The following IMMP2L variants were observed in gnomAD, a reference collection of about 807,000 sequenced individuals.
The protein encoded by IMMP2L is inner mitochondrial membrane peptidase subunit 2, also known as mitochondrial inner membrane protease subunit 2.
IMMP2L carries 18 observed loss-of-function variants against 19.3 expected under a neutral mutation model. The ratio of observed to expected loss-of-function variants is 0.93; its 90% confidence interval spans 0.64 to 1.38. The LOEUF is 1.38. Ranked by LOEUF, IMMP2L falls within the 40% of genes most tolerant of loss-of-function variation. The probability of loss-of-function intolerance (pLI) is 0.00; values close to 1 mark genes in which losing one functional copy is unlikely to be tolerated. For missense variants in IMMP2L, 233 were observed against 218.2 expected, an observed-to-expected ratio of 1.07 and a Z score of -0.43; for synonymous variants, 76 against 73.0, an observed-to-expected ratio of 1.04 and a Z score of -0.21.
At chr7:111,037,968 G>A (rs1253944691) in intron 3 of IMMP2L, among the ~76,000 whole-genome samples, 1 of 152,104 alleles carries the variant, frequency 6.6e-6, no homozygotes, top group Non-Finnish European at 1.5e-5. Flanking sequence ...TCCTATCTGT[G>A]TCTAAATAAT....
intron 3 of IMMP2L, among the ~76,000 whole-genome samples, chr7:111,256,800 C>A (rs541652931): frequency 6.1e-4 from 92 of 152,064 alleles, no homozygotes; most frequent in South Asian, 4.1e-3. Flanking sequence ...TGAATTCACA[C>A]CCTCTGAGAA....
chr7:110,825,085 A>G (rs987912457), intron 5 of IMMP2L, among the ~76,000 whole-genome samples: 1 of 152,168 alleles, frequency 6.6e-6, no homozygotes, highest in African/African-American at 2.4e-5. Context: ...TCTCATTCAC[A>G]ATTGCTTCAA....
intron 5 of IMMP2L, among the ~76,000 whole-genome samples, chr7:110,777,516 C>T (rs1486079998): frequency 4.6e-5 from 7 of 151,816 alleles, no homozygotes; most frequent in Admixed American, 3.3e-4. Flanking sequence ...TTCTTTAGCC[C>T]GTTAATTTAA....
intron 3 of IMMP2L, among the ~76,000 whole-genome samples, chr7:111,230,713 G>T (rs570044116): frequency 6.6e-6 from 1 of 152,112 alleles, no homozygotes; most frequent in Non-Finnish European, 1.5e-5. Flanking sequence ...ACTGAAAGCT[G>T]CTCTCATGGA....
At chr7:111,555,353 G>C (rs1343150460) in intron 1 of IMMP2L, among the ~76,000 whole-genome samples, 2 of 152,046 alleles carry the variant, frequency 1.3e-5, no homozygotes, top group Non-Finnish European at 2.9e-5. Context: ...GGAAAGAATA[G>C]AGTAGAAAGG....
Position 110,941,336 on chromosome 7 carries a change from G to A in IMMP2L, c.305+22164C>T, listed in dbSNP as rs564897791. ...TTTCTTTCTAAATCTTCATTTATCT[G>A]CAGCTATTGTGACTGTCTGGGAAAA... On this transcript the variant is annotated intron_variant, in intron 4 of 5. Coordinates refer to ENST00000405709, the MANE Select transcript of IMMP2L (RefSeq NM_032549.4). Among the ~76,000 whole-genome samples the A allele has an allele frequency of 4.9e-4, 74 of 152,144 alleles. 1 individual carries two copies. In the South Asian group the frequency reaches 5.0e-3, roughly 10 times the overall value.
intron 3 of IMMP2L, among the ~76,000 whole-genome samples, chr7:111,354,897 T>G (rs1405673915): frequency 1.3e-5 from 2 of 151,826 alleles, no homozygotes; most frequent in African/African-American, 4.8e-5. Context: ...GATACGCCAT[T>G]CATTCGACAA....
chr7:111,486,715 T>A (rs755632829), intron 3 of IMMP2L, among the ~76,000 whole-genome samples: 8 of 152,166 alleles, frequency 5.3e-5, no homozygotes, highest in Non-Finnish European at 1.0e-4. Flanking sequence ...AAATTTTTGA[T>A]CCTGACCAGT....
At chr7:111,415,988 T>G (rs1273738827) in intron 3 of IMMP2L, among the ~76,000 whole-genome samples, 1 of 151,850 alleles carries the variant, frequency 6.6e-6, no homozygotes, top group Non-Finnish European at 1.5e-5. Context: ...TTTTCCTTAA[T>G]TGTACACTTT....
intron 2 of IMMP2L, among the ~76,000 whole-genome samples, chr7:111,503,618 C>T (rs1261561527): frequency 6.6e-6 from 1 of 152,046 alleles, no homozygotes; most frequent in Non-Finnish European, 1.5e-5. Flanking sequence ...AAAGCTTTTC[C>T]ACCATGATCA....
At chr7:111,286,398 T>C (rs1034200036) in intron 3 of IMMP2L, among the ~76,000 whole-genome samples, 1 of 152,212 alleles carries the variant, frequency 6.6e-6, no homozygotes, top group Non-Finnish European at 1.5e-5. Context: ...TAACTGAGAT[T>C]GCGTATTAAT....
At chr7:111,500,938 A>T (rs941514409) in intron 2 of IMMP2L, among the ~76,000 whole-genome samples, 25 of 152,230 alleles carry the variant, frequency 1.6e-4, no homozygotes, top group Non-Finnish European at 3.2e-4. Context: ...AAAGGAACGC[A>T]GCTCCTCACC....
At chr7:110,927,791 G>A (rs2129551273) in intron 4 of IMMP2L, among the ~76,000 whole-genome samples, 1 of 152,226 alleles carries the variant, frequency 6.6e-6, no homozygotes, top group South Asian at 2.1e-4. Context: ...CATTAAAGTT[G>A]TGATAAATTG....
intron 3 of IMMP2L, among the ~76,000 whole-genome samples, chr7:111,446,039 C>G (rs1339320708): frequency 6.6e-6 from 1 of 152,096 alleles, no homozygotes; most frequent in African/African-American, 2.4e-5. Flanking sequence ...TATCCCACAC[C>G]TGGCTCGGAG....
At chr7:110,923,403 A>G (rs1814514939) in intron 4 of IMMP2L, among the ~76,000 whole-genome samples, 2 of 152,208 alleles carry the variant, frequency 1.3e-5, no homozygotes, top group African/African-American at 4.8e-5. Context: ...CAATGTATAT[A>G]TGCATTTGGT....
intron 3 of IMMP2L, among the ~76,000 whole-genome samples, chr7:111,044,561 CA>C (rs1792204974): frequency 6.6e-6 from 1 of 151,776 alleles, no homozygotes. Flanking sequence ...AACTCTGCCT[CA>C]AAAAAATAAA....
At position 110,817,751 on chromosome 7, in the gene IMMP2L, G is replaced by A. The variant is rs192619773; in HGVS notation, c.408+68842C>T. 1.2e-3 allele frequency among the ~76,000 whole-genome samples: 185 copies of A among 152,104 alleles called. 1 individual carries two copies. Among genetic ancestry groups the A allele is most frequent in the African/African-American group, 4.2e-3 (175 of 41,514 alleles). On this transcript the variant is annotated intron_variant, in intron 5 of 5. Transcript: ENST00000405709. ...CAGTAACCAAAACAGCATGGTACTG[G>A]TACCAAAACAAAGATATAGATCAAT...
intron 5 of IMMP2L, among the ~76,000 whole-genome samples, chr7:110,780,585 C>T (rs1799670365): frequency 6.6e-6 from 1 of 151,794 alleles, no homozygotes; most frequent in African/African-American, 2.4e-5. Context: ...GATCTCTCTG[C>T]CTCGCTATTA....
chr7:111,464,556 A>G (rs918134857), intron 3 of IMMP2L, among the ~76,000 whole-genome samples: 2 of 152,192 alleles, frequency 1.3e-5, no homozygotes, highest in Non-Finnish European at 2.9e-5. Context: ...ACTTACATTA[A>G]TTTTTTAACT....
Sources: allele counts gnomAD v4.1 joint callset (sites outside exome capture counted in the v4.1 genomes callset), GRCh38; gene constraint gnomAD v4.1.1; transcripts MANE v1.5; gene names NCBI Gene and HGNC (gene_info 2026-07-23, HGNC 2026-07-21).